ST8SIA2: variants seen among roughly 807,000 people sequenced by gnomAD.
ST8SIA2 encodes the protein alpha-2,8-sialyltransferase 8B.
In ST8SIA2, 22 loss-of-function variants were observed where a neutral mutation model predicts 37.6. That is an observed-to-expected ratio of 0.58 (90% CI 0.42 to 0.83). The LOEUF (loss-of-function observed/expected upper bound fraction) is 0.83, where lower values mean the gene tolerates loss of function less well. ST8SIA2 is among the 40% of genes least tolerant of loss of function. The pLI, the probability that ST8SIA2 is intolerant of heterozygous loss-of-function variation, is 0.00. For synonymous variants in ST8SIA2, 205 were observed against 201.2 expected, an observed-to-expected ratio of 1.02 and a Z score of -0.16; for missense variants, 382 against 484.7, an observed-to-expected ratio of 0.79 and a Z score of 1.99.
rs768609130 is a variant in ST8SIA2 at position 92,444,620 on chromosome 15, C to T, written c.549-16C>T. On this transcript the variant is annotated splice_polypyrimidine_tract_variant and intron_variant, in intron 4 of 5. Transcript: ENST00000268164. ...CAGCTTTCCCAAAAGGATCATGTTG[C>T]CTTTTTCTCCGGCAGGTGCAACCTG... 6.2e-7 allele frequency: 1 copy of T among 1,614,208 alleles called. No homozygotes were observed. Among genetic ancestry groups the T allele is most frequent in the Non-Finnish European group, 8.5e-7 (1 of 1,180,036 alleles).
intron 1 of ST8SIA2, among the ~76,000 whole-genome samples, chr15:92,407,661 G>C (rs2049518559): frequency 6.6e-6 from 1 of 152,200 alleles, no homozygotes; most frequent in Non-Finnish European, 1.5e-5. Flanking sequence ...GGGGAATGGA[G>C]AGGGAAGGCC....
chr15:92,426,361 G>T (rs2049675718), intron 1 of ST8SIA2, among the ~76,000 whole-genome samples: 1 of 152,166 alleles, frequency 6.6e-6, no homozygotes, highest in African/African-American at 2.4e-5. Context: ...GGAACCGGGG[G>T]TGAGGCATGG....
intron 1 of ST8SIA2, among the ~76,000 whole-genome samples, chr15:92,428,815 A>G (rs1410902937): frequency 1.3e-5 from 2 of 152,274 alleles, no homozygotes; most frequent in African/African-American, 4.8e-5. Context: ...GACACTGGGT[A>G]GGTCATAATA....
At chr15:92,445,440 G>A (rs966023036) in intron 5 of ST8SIA2, among the ~76,000 whole-genome samples, 2 of 152,210 alleles carry the variant, frequency 1.3e-5, no homozygotes, top group African/African-American at 4.8e-5. Context: ...TAGTAAAATT[G>A]CGGTAGAAAC....
At chr15:92,444,531 TG>T (rs2049826215) in intron 4 of ST8SIA2, 104 bp from the exon 5 acceptor site, 3 of 1,421,896 alleles carry the variant, frequency 2.1e-6, no homozygotes, top group Non-Finnish European at 3.0e-6. Flanking sequence ...GGTCTTTGTT[TG>T]GGGATGAGAA....
chr15:92,414,567 G>A (rs929471256), intron 1 of ST8SIA2, among the ~76,000 whole-genome samples: 1 of 152,234 alleles, frequency 6.6e-6, no homozygotes, highest in Admixed American at 6.5e-5. Context: ...AAGTCAGTTG[G>A]AGGAAGAAAA....
chr15:92,399,100 C>CGAATA (rs1447798797), intron 1 of ST8SIA2, among the ~76,000 whole-genome samples: 2 of 152,198 alleles, frequency 1.3e-5, no homozygotes, highest in African/African-American at 2.4e-5. Context: ...TAGGTATGAG[C>CGAATA]ATTCCAGACT....
At chr15:92,450,828 TGGC>T (rs2049876411) in intron 5 of ST8SIA2, among the ~76,000 whole-genome samples, 1 of 152,208 alleles carries the variant, frequency 6.6e-6, no homozygotes, top group Non-Finnish European at 1.5e-5. Flanking sequence ...CCCTCTAGCA[TGGC>T]TATTAGTAAA....
chr15:92,458,201 A>C (rs529372785), intron 5 of ST8SIA2, among the ~76,000 whole-genome samples: 194 of 152,306 alleles, frequency 1.3e-3, no homozygotes, highest in African/African-American at 4.6e-3. Flanking sequence ...GCTCTCTTCC[A>C]ATCAGGGATT....
chr15:92,421,154 C>G (rs2049630897), intron 1 of ST8SIA2: 1 of 152,168 alleles, frequency 6.6e-6, no homozygotes, highest in African/African-American at 2.4e-5. Context: ...CCAAAAGTAT[C>G]TAGCCAATGC....
chr15:92,398,466 G>A (rs527652926), intron 1 of ST8SIA2, among the ~76,000 whole-genome samples: 20 of 152,360 alleles, frequency 1.3e-4, no homozygotes, highest in African/African-American at 4.1e-4. Flanking sequence ...TGATGATCAC[G>A]GTTAGCATTT....
chr15:92,433,598 A>T (rs1178570617), intron 2 of ST8SIA2, among the ~76,000 whole-genome samples: 1 of 152,236 alleles, frequency 6.6e-6, no homozygotes, highest in Non-Finnish European at 1.5e-5. Flanking sequence ...GATCGATTTC[A>T]ACCTAAATTC....
At chr15:92,434,175 CA>C in intron 2 of ST8SIA2, 71 bp from the exon 3 acceptor site, 1 of 1,604,904 alleles carries the variant, frequency 6.2e-7, no homozygotes, top group East Asian at 2.2e-5. Flanking sequence ...CGTGCAAAAA[CA>C]AAACTATTAG....
chr15:92,441,419 G>T (rs148396330), intron 4 of ST8SIA2, among the ~76,000 whole-genome samples: 2 of 152,186 alleles, frequency 1.3e-5, no homozygotes, highest in Admixed American at 1.3e-4. Context: ...TCGAGCAAGC[G>T]TCAGCTGCAC....
chr15:92,431,167 A>G (rs927490682), intron 2 of ST8SIA2, among the ~76,000 whole-genome samples: 4 of 152,152 alleles, frequency 2.6e-5, no homozygotes, highest in Non-Finnish European at 5.9e-5. Flanking sequence ...TCTCTGTTCT[A>G]TTATGAAATG....
At chr15:92,399,202 C>T (rs2049453130) in intron 1 of ST8SIA2, among the ~76,000 whole-genome samples, 1 of 152,178 alleles carries the variant, frequency 6.6e-6, no homozygotes, top group South Asian at 2.1e-4. Flanking sequence ...AAGGGCCTGC[C>T]TCGATACTAC....
chr15:92,408,133 C>T (rs555172763), intron 1 of ST8SIA2, among the ~76,000 whole-genome samples: 1 of 152,228 alleles, frequency 6.6e-6, no homozygotes, highest in African/African-American at 2.4e-5. Context: ...GGAAACGGCC[C>T]AGCACACAAC....
intron 1 of ST8SIA2, among the ~76,000 whole-genome samples, chr15:92,411,669 T>C (rs1221348330): frequency 6.6e-6 from 1 of 152,168 alleles, no homozygotes; most frequent in Non-Finnish European, 1.5e-5. Flanking sequence ...TCTTTCATTT[T>C]ATAGGTACAG....
chr15:92,443,187 A>G (rs1197039764), intron 4 of ST8SIA2, among the ~76,000 whole-genome samples: 7 of 152,158 alleles, frequency 4.6e-5, no homozygotes. Flanking sequence ...CCTTGTCTTC[A>G]TGTCTCCAGC....
Sources: allele counts gnomAD v4.1 joint callset (sites outside exome capture counted in the v4.1 genomes callset), GRCh38; gene constraint gnomAD v4.1.1; transcripts MANE v1.5; gene names NCBI Gene and HGNC (gene_info 2026-07-23, HGNC 2026-07-21).